IGSF21: variants seen among roughly 807,000 people sequenced by gnomAD.
The protein encoded by IGSF21 is immunoglobin superfamily member 21.
Under a neutral mutation model 46.8 loss-of-function variants are expected in IGSF21, and 28 were observed. The ratio of observed to expected loss-of-function variants is 0.60; its 90% confidence interval spans 0.44 to 0.82. IGSF21 has a LOEUF of 0.82. Ranked by LOEUF, IGSF21 falls within the 40% of genes least tolerant of loss-of-function variation. The pLI is 0.00. For synonymous variants in IGSF21, 284 were observed against 273.6 expected, an observed-to-expected ratio of 1.04 and a Z score of -0.38; for missense variants, 624 against 665.5, an observed-to-expected ratio of 0.94 and a Z score of 0.69.
At chr1:18,135,356 A>G (rs961343699) in intron 1 of IGSF21, among the ~76,000 whole-genome samples, 6 of 151,976 alleles carry the variant, frequency 3.9e-5, no homozygotes, top group African/African-American at 7.3e-5. Context: ...GGTGCGCTGC[A>G]CCCACTAACT....
intron 2 of IGSF21, among the ~76,000 whole-genome samples, chr1:18,272,691 G>A (rs528934939): frequency 9.9e-5 from 15 of 152,228 alleles, no homozygotes; most frequent in African/African-American, 3.4e-4. Context: ...GTGTCCCCTC[G>A]GCTCTTGCCA....
chr1:18,189,328 A>G (rs1260955842), intron 1 of IGSF21, among the ~76,000 whole-genome samples: 1 of 152,186 alleles, frequency 6.6e-6, no homozygotes, highest in African/African-American at 2.4e-5. Context: ...CTTAGTAATC[A>G]TGTGAGCTGG....
intron 1 of IGSF21, among the ~76,000 whole-genome samples, chr1:18,130,818 T>A (rs2086313834): frequency 6.6e-6 from 1 of 152,212 alleles, no homozygotes; most frequent in Admixed American, 6.5e-5. Flanking sequence ...CCTACAGGTG[T>A]GCAATGGACC....
At chr1:18,279,828 C>T (rs1292455626) in intron 2 of IGSF21, among the ~76,000 whole-genome samples, 2 of 152,244 alleles carry the variant, frequency 1.3e-5, no homozygotes, top group Non-Finnish European at 2.9e-5. Context: ...ACCCGCCCCT[C>T]GTTTAGCAGG....
intron 3 of IGSF21, among the ~76,000 whole-genome samples, chr1:18,324,532 G>C (rs2085639412): frequency 6.6e-6 from 1 of 152,210 alleles, no homozygotes. Context: ...TCCCAGATCT[G>C]CTGCTGATTG....
At chr1:18,274,242 C>CA (rs2124549055) in intron 2 of IGSF21, among the ~76,000 whole-genome samples, 1 of 151,772 alleles carries the variant, frequency 6.6e-6, no homozygotes, top group Admixed American at 6.6e-5. Flanking sequence ...GCTATAACCA[C>CA]ACCTTCTTGC....
chr1:18,241,361 AAGATTCTGGGGATATCAG>A (rs2084726018), intron 2 of IGSF21, among the ~76,000 whole-genome samples: 2 of 152,142 alleles, frequency 1.3e-5, no homozygotes, highest in African/African-American at 4.8e-5. Flanking sequence ...CCCATAAGTG[AAGATTCTGGGGATATCAG>A]AGACCTCAGA....
intron 1 of IGSF21, among the ~76,000 whole-genome samples, chr1:18,177,774 A>C (rs2086817173): frequency 6.6e-6 from 1 of 152,196 alleles, no homozygotes; most frequent in Non-Finnish European, 1.5e-5. Flanking sequence ...AGGAGGTGGC[A>C]CATATATGTT....
intron 2 of IGSF21, among the ~76,000 whole-genome samples, chr1:18,243,653 T>C (rs1241279805): frequency 1.3e-5 from 2 of 152,106 alleles, no homozygotes; most frequent in African/African-American, 4.8e-5. Context: ...CACCACCCGG[T>C]CTGGCACTGC....
intron 6 of IGSF21, among the ~76,000 whole-genome samples, chr1:18,367,431 A>T (rs1186030998): frequency 6.6e-6 from 1 of 152,036 alleles, no homozygotes; most frequent in Non-Finnish European, 1.5e-5. Flanking sequence ...CAAGTCGTTA[A>T]CTTTGTATGT....
At chr1:18,142,976 C>A (rs969652160) in intron 1 of IGSF21, among the ~76,000 whole-genome samples, 2 of 152,230 alleles carry the variant, frequency 1.3e-5, no homozygotes, top group African/African-American at 4.8e-5. Flanking sequence ...TTCCCCAAGT[C>A]CCTACCCAAA....
intron 4 of IGSF21, among the ~76,000 whole-genome samples, chr1:18,344,115 C>T (rs2085869822): frequency 6.6e-6 from 1 of 152,104 alleles, no homozygotes; most frequent in African/African-American, 2.4e-5. Context: ...CTCTGGAATC[C>T]CAGCCTGGCA....
intron 4 of IGSF21, among the ~76,000 whole-genome samples, chr1:18,352,719 C>A (rs2085970448): frequency 6.6e-6 from 1 of 152,184 alleles, no homozygotes; most frequent in Non-Finnish European, 1.5e-5. Context: ...GTCTGCAGCA[C>A]CCCCAGAGCA....
intron 1 of IGSF21, among the ~76,000 whole-genome samples, chr1:18,177,513 G>T (rs560897065): frequency 2.3e-4 from 35 of 152,044 alleles, no homozygotes; most frequent in African/African-American, 7.7e-4. Context: ...CCATTATCCA[G>T]TCTCAGGTTC....
intron 3 of IGSF21, among the ~76,000 whole-genome samples, chr1:18,296,834 A>G (rs1279287143): frequency 6.6e-6 from 1 of 152,154 alleles, no homozygotes. Context: ...AAGCACCCTG[A>G]GGCCCTTGTC....
chr1:18,134,426 C>G (rs890899144), intron 1 of IGSF21, among the ~76,000 whole-genome samples: 5 of 152,194 alleles, frequency 3.3e-5, no homozygotes, highest in African/African-American at 4.8e-5. Context: ...CTTTCCTCCT[C>G]TGGTTCTTCT....
chr1:18,360,420 C>T (rs940024511), intron 4 of IGSF21, among the ~76,000 whole-genome samples: 1 of 152,180 alleles, frequency 6.6e-6, no homozygotes, highest in Non-Finnish European at 1.5e-5. Context: ...AATAGAGTTG[C>T]CCGTGTGTCT....
chr1:18,245,472 T>C (rs573836470), intron 2 of IGSF21, among the ~76,000 whole-genome samples: 2 of 152,300 alleles, frequency 1.3e-5, no homozygotes, highest in East Asian at 3.9e-4. Context: ...TCTTTTTCAT[T>C]GGATTTTCTG....
chr1:18,327,746 T>C (rs1441346775), intron 3 of IGSF21, among the ~76,000 whole-genome samples: 1 of 152,142 alleles, frequency 6.6e-6, no homozygotes, highest in Non-Finnish European at 1.5e-5. Flanking sequence ...GGGCATAGAT[T>C]ATAAAAGGGC....
Sources: gnomAD v4.1 joint callset for allele counts (sites outside exome capture counted in the v4.1 genomes callset) on GRCh38, gnomAD v4.1.1 for gene constraint, MANE v1.5 for transcripts, NCBI Gene and HGNC (gene_info 2026-07-23, HGNC 2026-07-21) for gene names.